NRG3: variants seen among roughly 807,000 people sequenced by gnomAD.
NRG3 encodes pro-neuregulin-3, membrane-bound isoform.
NRG3 carries 31 observed loss-of-function variants against 66.9 expected under a neutral mutation model. The ratio of observed to expected loss-of-function variants is 0.46; its 90% CI spans 0.35 to 0.63. NRG3 has a LOEUF of 0.63. Ranked by LOEUF, NRG3 falls within the 20% of genes least tolerant of loss-of-function variation. The pLI, the probability that NRG3 is intolerant of heterozygous loss-of-function variation, is 0.00. For missense variants in NRG3, 910 were observed against 878.9 expected (o/e 1.04, Z -0.45); for synonymous variants, 393 against 359.4 (o/e 1.09, Z -1.06).
chr10:82,443,651 C>A (rs755881091), intron 2 of NRG3, among the ~76,000 whole-genome samples: 2 of 152,182 alleles, frequency 1.3e-5, no homozygotes, highest in Non-Finnish European at 2.9e-5. Flanking sequence ...TCCTCCTAAT[C>A]ACTGTTATAT....
intron 2 of NRG3, among the ~76,000 whole-genome samples, chr10:82,473,293 G>A (rs867815602): frequency 6.6e-6 from 1 of 152,192 alleles, no homozygotes; most frequent in Non-Finnish European, 1.5e-5. Flanking sequence ...GAAATTTAGA[G>A]GGTGACTAGA....
intron 1 of NRG3, among the ~76,000 whole-genome samples, chr10:82,303,345 A>ACACACACG (rs2080519881): frequency 6.6e-6 from 1 of 151,976 alleles, no homozygotes; most frequent in Admixed American, 6.6e-5. Context: ...AAACACACAC[A>ACACACACG]CACACACACA....
intron 2 of NRG3, among the ~76,000 whole-genome samples, chr10:82,737,475 CTT>C (rs1462035982): frequency 1.3e-5 from 2 of 152,244 alleles, no homozygotes; most frequent in Admixed American, 6.5e-5. Flanking sequence ...AGAACGGCCT[CTT>C]TGAATTCTTT....
intron 1 of NRG3, among the ~76,000 whole-genome samples, chr10:81,933,052 G>A (rs922687787): frequency 3.4e-5 from 5 of 148,104 alleles, no homozygotes; most frequent in East Asian, 2.0e-4. Context: ...AGGTTGCAGT[G>A]AGCTGAGATC....
chr10:82,245,172 G>A (rs1361035257), intron 1 of NRG3, among the ~76,000 whole-genome samples: 1 of 152,160 alleles, frequency 6.6e-6, no homozygotes, highest in African/African-American at 2.4e-5. Context: ...CCATCTGTGG[G>A]GGATGGGAGG....
chr10:82,273,025 A>G (rs1014295097), intron 1 of NRG3, among the ~76,000 whole-genome samples: 2 of 152,020 alleles, frequency 1.3e-5, no homozygotes, highest in African/African-American at 4.8e-5. Flanking sequence ...CTTGTCCCCC[A>G]CACTTTCAAG....
At chr10:82,359,264 A>G (rs2083972373) in intron 2 of NRG3, among the ~76,000 whole-genome samples, 1 of 152,216 alleles carries the variant, frequency 6.6e-6, no homozygotes, top group Admixed American at 6.5e-5. Context: ...CTGCTCATCT[A>G]AGATCTAGAA....
intron 1 of NRG3, among the ~76,000 whole-genome samples, chr10:82,190,108 C>G (rs976425386): frequency 6.6e-6 from 1 of 152,130 alleles, no homozygotes; most frequent in African/African-American, 2.4e-5. Flanking sequence ...GGCCATGTGT[C>G]TTTGACAAAA....
At chr10:82,502,677 G>C (rs1844306015) in intron 2 of NRG3, among the ~76,000 whole-genome samples, 1 of 152,072 alleles carries the variant, frequency 6.6e-6, no homozygotes, top group Admixed American at 6.6e-5. Flanking sequence ...AAATTTCTTT[G>C]TGCCTCAGTT....
intron 2 of NRG3, among the ~76,000 whole-genome samples, chr10:82,525,647 G>A (rs1254445456): frequency 6.6e-6 from 1 of 151,554 alleles, no homozygotes; most frequent in Non-Finnish European, 1.5e-5. Flanking sequence ...ATGCAATAAT[G>A]ATAAAGCATA....
chr10:82,034,743 T>C (rs1247410325), intron 1 of NRG3, among the ~76,000 whole-genome samples: 1 of 152,022 alleles, frequency 6.6e-6, no homozygotes, highest in East Asian at 2.0e-4. Flanking sequence ...ATGGTTGAGC[T>C]TAAAACCCAC....
chr10:82,429,095 G>A (rs2089632823), intron 2 of NRG3, among the ~76,000 whole-genome samples: 1 of 151,932 alleles, frequency 6.6e-6, no homozygotes, highest in South Asian at 2.1e-4. Context: ...AATTGGATTA[G>A]TAGCAAATTA....
intron 1 of NRG3, among the ~76,000 whole-genome samples, chr10:82,172,483 G>A (rs1465974540): frequency 1.3e-5 from 2 of 152,130 alleles, no homozygotes; most frequent in Non-Finnish European, 2.9e-5. Context: ...CCTTTGGGAA[G>A]TGGCTTCATA....
At chr10:82,221,099 T>C (rs1487061147) in intron 1 of NRG3, among the ~76,000 whole-genome samples, 1 of 152,206 alleles carries the variant, frequency 6.6e-6, no homozygotes, top group Non-Finnish European at 1.5e-5. Context: ...AAGTAGGTAT[T>C]CTGGTCTCAG....
chr10:82,527,533 A>G (rs377245034), intron 2 of NRG3, among the ~76,000 whole-genome samples: 12 of 152,262 alleles, frequency 7.9e-5, no homozygotes, highest in African/African-American at 2.6e-4. Flanking sequence ...TGTAAGTTAT[A>G]TTTGACAAAT....
chr10:82,103,272 A>C (rs2066870044), intron 1 of NRG3, among the ~76,000 whole-genome samples: 1 of 152,094 alleles, frequency 6.6e-6, no homozygotes, highest in Non-Finnish European at 1.5e-5. Context: ...TTTGGTTATG[A>C]GGTTTCTATT....
chr10:82,363,823 A>AT (rs1564841418), intron 2 of NRG3, among the ~76,000 whole-genome samples: 1 of 152,188 alleles, frequency 6.6e-6, no homozygotes. Flanking sequence ...AATAGCAAAA[A>AT]TTTTTAACAA....
At chr10:82,873,234 T>A (rs548761909) in intron 4 of NRG3, among the ~76,000 whole-genome samples, 1 of 152,266 alleles carries the variant, frequency 6.6e-6, no homozygotes, top group East Asian at 1.9e-4. Flanking sequence ...AGCAGAAATT[T>A]GGAAATGCAC....
At chr10:82,736,611 C>T (rs976904211) in intron 2 of NRG3, among the ~76,000 whole-genome samples, 3 of 152,194 alleles carry the variant, frequency 2.0e-5, no homozygotes, top group Admixed American at 6.5e-5. Context: ...TTTCCTGATA[C>T]CCCATGAGGC....
Sources: gnomAD v4.1 joint callset for allele counts (sites outside exome capture counted in the v4.1 genomes callset) on GRCh38, gnomAD v4.1.1 for gene constraint, MANE v1.5 for transcripts, NCBI Gene and HGNC (gene_info 2026-07-23, HGNC 2026-07-21) for gene names.